The following POPDC1 variants were observed in gnomAD, a reference collection of about 807,000 sequenced individuals.
The protein encoded by POPDC1 is popeye domain cAMP effector 1.
the POPDC1 span, among the ~76,000 whole-genome samples, chr6:105,122,260 C>T: frequency 1.3e-5 from 2 of 152,150 alleles, no homozygotes; most frequent in East Asian, 1.9e-4. Flanking sequence ...AAATGCCACA[C>T]GAGACTCTAT....
chr6:105,130,445 T>C, the POPDC1 span, among the ~76,000 whole-genome samples: 1 of 152,196 alleles, frequency 6.6e-6, no homozygotes, highest in African/African-American at 2.4e-5. Context: ...AAGGTGAATC[T>C]AGGGAATGAA....
chr6:105,122,711 GGAGA>G, the POPDC1 span, among the ~76,000 whole-genome samples: 1 of 152,208 alleles, frequency 6.6e-6, no homozygotes, highest in African/African-American at 2.4e-5. Context: ...CAGCAAAGAA[GGAGA>G]GAAAGAAGAT....
the POPDC1 span, among the ~76,000 whole-genome samples, chr6:105,118,105 C>A: frequency 1.3e-5 from 2 of 152,154 alleles, no homozygotes; most frequent in African/African-American, 4.8e-5. Context: ...ACAAATACCG[C>A]AGTAGGCAAA....
the POPDC1 span, chr6:105,097,756 ACT>A: frequency 6.6e-6 from 1 of 152,214 alleles, no homozygotes; most frequent in Non-Finnish European, 1.5e-5. Flanking sequence ...ACATACACAC[ACT>A]GTTAGCAGCA....
chr6:105,113,661 C>A, the POPDC1 span, among the ~76,000 whole-genome samples: 1 of 152,088 alleles, frequency 6.6e-6, no homozygotes, highest in Non-Finnish European at 1.5e-5. Context: ...CAGCACCCGA[C>A]CTTCATGTGA....
At chr6:105,106,510 C>T in the POPDC1 span, among the ~76,000 whole-genome samples, 1 of 152,242 alleles carries the variant, frequency 6.6e-6, no homozygotes, top group Admixed American at 6.5e-5. Flanking sequence ...GACACCTTTG[C>T]TCCTGCCAGA....
chr6:105,127,765 CT>C, the POPDC1 span, among the ~76,000 whole-genome samples: 622 of 145,434 alleles, frequency 4.3e-3, no homozygotes, highest in African/African-American at 0.011. Flanking sequence ...CTTTTCCTCT[CT>C]TTTTTTTTTT....
chr6:105,118,121 A>G, the POPDC1 span, among the ~76,000 whole-genome samples: 2 of 152,184 alleles, frequency 1.3e-5, no homozygotes, highest in Non-Finnish European at 2.9e-5. Flanking sequence ...GCAAAAACCA[A>G]TGTCCATTAA....
chr6:105,116,380 C>G, the POPDC1 span, among the ~76,000 whole-genome samples: 3 of 152,166 alleles, frequency 2.0e-5, no homozygotes, highest in African/African-American at 7.2e-5. Flanking sequence ...CTTTCTCTGT[C>G]TGCAAACCTC....
At chr6:105,107,744 G>T in the POPDC1 span, among the ~76,000 whole-genome samples, 4 of 152,116 alleles carry the variant, frequency 2.6e-5, 1 homozygote, top group African/African-American at 7.2e-5. Context: ...AAACCTACAG[G>T]AGTTTAAAAT....
chr6:105,125,303 G>T, the POPDC1 span: 1 of 1,432,210 alleles, frequency 7.0e-7, no homozygotes, highest in Non-Finnish European at 9.7e-7. Flanking sequence ...CCATTCATTG[G>T]CAACATTTCC....
the POPDC1 span, among the ~76,000 whole-genome samples, chr6:105,122,963 G>C: frequency 6.6e-6 from 1 of 152,166 alleles, no homozygotes; most frequent in Non-Finnish European, 1.5e-5. Context: ...GATTACTCAG[G>C]CCAGTTATTC....
chr6:105,125,296 T>C, the POPDC1 span: 1 of 1,394,916 alleles, frequency 7.2e-7, no homozygotes, highest in Non-Finnish European at 1.0e-6. Flanking sequence ...GCTTTCTCCA[T>C]TCATTGGCAA....
At chr6:105,115,275 A>G in the POPDC1 span, among the ~76,000 whole-genome samples, 3 of 152,134 alleles carry the variant, frequency 2.0e-5, no homozygotes, top group African/African-American at 4.8e-5. Context: ...TTTTTAGTAG[A>G]GACGGGGTTT....
At chr6:105,110,915 G>A in the POPDC1 span, among the ~76,000 whole-genome samples, 1 of 152,090 alleles carries the variant, frequency 6.6e-6, no homozygotes, top group South Asian at 2.1e-4. Flanking sequence ...TGAACTCCTG[G>A]GGTCAAGAGA....
chr6:105,127,015 T>C, the POPDC1 span, among the ~76,000 whole-genome samples: 1 of 152,166 alleles, frequency 6.6e-6, no homozygotes, highest in Non-Finnish European at 1.5e-5. Context: ...TGCCCCATCT[T>C]TGGGCCCAGC....
chr6:105,119,344 C>T, the POPDC1 span, among the ~76,000 whole-genome samples: 1 of 152,118 alleles, frequency 6.6e-6, no homozygotes. Context: ...GTTGGCTGTG[C>T]AGTCCATCAA....
the POPDC1 span, chr6:105,124,806 G>T: frequency 1.6e-6 from 1 of 622,804 alleles, no homozygotes; most frequent in Non-Finnish European, 2.8e-6. Context: ...ACTTCTTGAG[G>T]CACAAGTATT....
chr6:105,120,447 A>G, the POPDC1 span, among the ~76,000 whole-genome samples: 7 of 152,234 alleles, frequency 4.6e-5, no homozygotes, highest in African/African-American at 1.7e-4. Flanking sequence ...TTATGAGAAT[A>G]TCTTATAAAG....
Sources: gnomAD v4.1 joint callset for allele counts (sites outside exome capture counted in the v4.1 genomes callset) on GRCh38, gnomAD v4.1.1 for gene constraint, MANE v1.5 for transcripts, NCBI Gene and HGNC (gene_info 2026-07-23, HGNC 2026-07-21) for gene names.